Variants in MYRFL observed in about 807,000 individuals in gnomAD.
The protein encoded by MYRFL is myelin regulatory factor like.
In MYRFL, 88 loss-of-function variants were observed where a neutral mutation model predicts 109.4. The ratio of observed to expected loss-of-function variants is 0.80; its 90% CI spans 0.68 to 0.96. The LOEUF (loss-of-function observed/expected upper bound fraction) is 0.96. Ranked by LOEUF, MYRFL falls within the 40% of genes least tolerant of loss-of-function variation. The pLI is 0.00. For synonymous variants in MYRFL, 324 were observed against 320.9 expected (o/e 1.01, Z -0.10); for missense variants, 957 against 954.9 (o/e 1.00, Z -0.03).
At chr12:69,917,601 C>T (rs541024116) in intron 13 of MYRFL, among the ~76,000 whole-genome samples, 5 of 152,202 alleles carry the variant, frequency 3.3e-5, no homozygotes, top group African/African-American at 4.8e-5. Context: ...GCATATACAT[C>T]TTCTAGACTA....
intron 13 of MYRFL, among the ~76,000 whole-genome samples, chr12:69,923,682 A>T (rs1566028216): frequency 6.7e-6 from 1 of 149,486 alleles, no homozygotes; most frequent in Non-Finnish European, 1.5e-5. Context: ...TTGCTGGTTG[A>T]TTTTTTTTTT....
rs55694465 is a variant in MYRFL at position 69,877,024 on chromosome 12, T to TTTCTTTCTTTCTTTCTTTC, written c.138-2002_138-2001insCTTTCTTTCTTTCTTTCTT. On this transcript the variant is annotated intron_variant, in intron 2 of 24. Coordinates refer to ENST00000552032, the MANE Select transcript of MYRFL (RefSeq NM_182530.3). ...AGGTCTTTCTTTCTTTCTTTCTTTCTTTTTTTTTTTTTTTTTTGAGACGGA... is the reference window on the plus strand; with the variant it reads ...AGGTCTTTCTTTCTTTCTTTCTTTCTTTCTTTCTTTCTTTCTTTCTTTTTTTTTTTTTTTTTGAGACGGA... Among the ~76,000 whole-genome samples, 118 of 65,244 alleles carry TTTCTTTCTTTCTTTCTTTC rather than the reference T, an allele frequency of 1.8e-3. 2 individuals carry two copies. Among genetic ancestry groups the TTTCTTTCTTTCTTTCTTTC allele is most frequent in the East Asian group, 4.8e-3 (13 of 2,712 alleles). The allele number at this position is 65,244 out of a possible 152,430, so 42.8% of individuals were successfully genotyped here.
chr12:69,955,351 T>A lies in MYRFL; in HGVS notation c.2376-12T>A. 1 of 627,524 alleles carries A rather than the reference T, an allele frequency of 1.6e-6. No individual in the cohort carries two copies. Among genetic ancestry groups the A allele is most frequent in the Non-Finnish European group, 2.8e-6 (1 of 356,058 alleles). 38.9% of individuals were successfully genotyped at this position (627,524 alleles called of 1,614,324 possible). A position where few individuals can be genotyped will look rare whatever the true frequency, so the allele number is the denominator to read the frequency against. ...ATTTTGATTTGTGGTTTTATTTTCTTTCCATAATTAGATCTGGAAATTATA... is the reference window on the plus strand; with the variant it reads ...ATTTTGATTTGTGGTTTTATTTTCTATCCATAATTAGATCTGGAAATTATA... On this transcript the variant is annotated splice_polypyrimidine_tract_variant and intron_variant, in intron 21 of 24. Coordinates refer to ENST00000552032, the MANE Select transcript of MYRFL (RefSeq NM_182530.3).
At chr12:69,939,160 C>G (rs1382966793) in intron 19 of MYRFL, among the ~76,000 whole-genome samples, 1 of 152,230 alleles carries the variant, frequency 6.6e-6, no homozygotes, top group Non-Finnish European at 1.5e-5. Flanking sequence ...AACAAAGCAA[C>G]CAGGAAGCTC....
chr12:69,861,416 C>A (rs1259657990), intron 2 of MYRFL, among the ~76,000 whole-genome samples: 1 of 152,172 alleles, frequency 6.6e-6, no homozygotes, highest in Non-Finnish European at 1.5e-5. Flanking sequence ...TCTGTTGTTT[C>A]CTGACTTTTT....
At chr12:69,921,892 G>A (rs1268262537) in intron 13 of MYRFL, among the ~76,000 whole-genome samples, 2 of 151,856 alleles carry the variant, frequency 1.3e-5, no homozygotes, top group African/African-American at 4.8e-5. Flanking sequence ...AAACACTGCA[G>A]AAAGAACTTT....
intron 2 of MYRFL, among the ~76,000 whole-genome samples, chr12:69,878,784 T>A (rs1180448461): frequency 6.6e-6 from 1 of 152,094 alleles, no homozygotes; most frequent in Non-Finnish European, 1.5e-5. Context: ...AGAGGTTACG[T>A]ACTTATTCAT....
intron 11 of MYRFL, among the ~76,000 whole-genome samples, chr12:69,904,869 T>A (rs1003572271): frequency 2.6e-5 from 4 of 152,358 alleles, no homozygotes; most frequent in African/African-American, 9.6e-5. Flanking sequence ...CTGTTCACTA[T>A]TAGCCCCTCT....
chr12:69,849,806 C>T (rs1883772826), intron 1 of MYRFL, among the ~76,000 whole-genome samples: 1 of 152,200 alleles, frequency 6.6e-6, no homozygotes. Flanking sequence ...AAAATTAGGA[C>T]TTGAAAATAA....
intron 1 of MYRFL, among the ~76,000 whole-genome samples, chr12:69,839,440 A>G (rs1016488067): frequency 3.9e-5 from 6 of 152,226 alleles, no homozygotes; most frequent in African/African-American, 1.4e-4. Context: ...TTAAATTTGT[A>G]TTAGACATGT....
chr12:69,872,555 C>T (rs1300708338), intron 2 of MYRFL, among the ~76,000 whole-genome samples: 7 of 151,908 alleles, frequency 4.6e-5, no homozygotes, highest in African/African-American at 1.5e-4. Flanking sequence ...GGCTGGAGTG[C>T]GATGGCATGA....
chr12:69,857,343 T>C (rs753221081), intron 2 of MYRFL, among the ~76,000 whole-genome samples: 1 of 151,944 alleles, frequency 6.6e-6, no homozygotes, highest in Non-Finnish European at 1.5e-5. Flanking sequence ...TCTGAATTTT[T>C]CTTCTGTTTC....
chr12:69,875,739 C>G (rs1462046625), intron 2 of MYRFL, among the ~76,000 whole-genome samples: 1 of 152,144 alleles, frequency 6.6e-6, no homozygotes, highest in Non-Finnish European at 1.5e-5. Flanking sequence ...ATCTAACTAA[C>G]GCCTGATGAT....
In MYRFL at chr12:69,910,873, T is replaced by C; in HGVS notation, c.1545T>C (p.Val515=). ...QEILPRAVRE[V]GDVTCGNGET... is the part of the protein sequence containing the mutation. ...TCCTGCCCAGAGCAGTAAGAGAGGTTGGTGATGTCACCTGCGGAAACGGAG... is the reference window on the plus strand; with the variant it reads ...TCCTGCCCAGAGCAGTAAGAGAGGTCGGTGATGTCACCTGCGGAAACGGAG... Residue 515 remains valine (V), a synonymous_variant, in exon 13 of 25, where the codon GTT becomes GTC. Transcript: ENST00000552032. The C allele has an allele frequency of 6.5e-7, 1 of 1,535,432 alleles. No individual in the cohort carries two copies. Among genetic ancestry groups the C allele is most frequent in the Non-Finnish European group, 8.7e-7 (1 of 1,146,416 alleles).
At chr12:69,912,265 T>C (rs1382723177) in intron 13 of MYRFL, among the ~76,000 whole-genome samples, 1 of 152,212 alleles carries the variant, frequency 6.6e-6, no homozygotes, top group African/African-American at 2.4e-5. Context: ...TCATGAAACA[T>C]TTATTTATAT....
intron 19 of MYRFL, among the ~76,000 whole-genome samples, chr12:69,943,601 G>A (rs1285163777): frequency 9.9e-5 from 15 of 151,612 alleles, no homozygotes; most frequent in South Asian, 2.1e-4. Context: ...CCTAGGCATT[G>A]CCATTCAGGA....
At chr12:69,855,479 G>A in intron 2 of MYRFL, 109 bp downstream of exon 2, 2 of 606,202 alleles carry the variant, frequency 3.3e-6, no homozygotes, top group Non-Finnish European at 6.0e-6. Flanking sequence ...AACTTGGGTA[G>A]AGTTGACATT....
At chr12:69,856,769 A>C (rs778605617) in intron 2 of MYRFL, among the ~76,000 whole-genome samples, 14 of 151,976 alleles carry the variant, frequency 9.2e-5, no homozygotes, top group Non-Finnish European at 1.8e-4. Flanking sequence ...AAGTTTAGAA[A>C]AATTTTTAGA....
In MYRFL at chr12:69,958,128, A is replaced by G. The variant is rs1956134331; in HGVS notation, c.2572-121A>G. ...TAGGACTGTTCTAGCAACACCCATC[A>G]AAAGCTGTGATCCCAATACTTCTCC... On this transcript the variant is annotated intron_variant, in intron 23 of 24. Coordinates refer to ENST00000552032, the MANE Select transcript of MYRFL (RefSeq NM_182530.3). The G allele has an allele frequency of 5.1e-6, 6 of 1,179,558 alleles. No homozygotes were observed. The African/African-American group carries it at 9.2e-5, about 18-fold the overall frequency. 73.1% of individuals were successfully genotyped at this position (1,179,558 alleles called of 1,614,324 possible).
Sources: gnomAD v4.1 joint callset for allele counts (sites outside exome capture counted in the v4.1 genomes callset) on GRCh38, gnomAD v4.1.1 for gene constraint, MANE v1.5 for transcripts, NCBI Gene and HGNC (gene_info 2026-07-23, HGNC 2026-07-21) for gene names.